Variants in EPHA10 observed in about 807,000 individuals in gnomAD.
EPHA10 encodes EPH receptor A10.
In EPHA10, 120 loss-of-function variants were observed where a neutral mutation model predicts 109.7. The observed-to-expected ratio is 1.09, with a 90% CI of 0.94 to 1.27. The LOEUF (loss-of-function observed/expected upper bound fraction) is 1.27, where lower values mean the gene tolerates loss of function less well. Among genes scored for constraint, EPHA10 ranks in the 50% most tolerant of loss-of-function variants. The pLI is 0.00. For synonymous variants in EPHA10, 640 were observed against 618.9 expected, an observed-to-expected ratio of 1.03 and a Z score of -0.51; for missense variants, 1,396 against 1,411.1, an observed-to-expected ratio of 0.99 and a Z score of 0.17.
chr1:37,749,329 G>GT (rs1173938923), intron 5 of EPHA10, among the ~76,000 whole-genome samples: 1 of 152,110 alleles, frequency 6.6e-6, no homozygotes, highest in East Asian at 1.9e-4. Context: ...AAATAGAAGA[G>GT]TATTTCCTTA....
rs1459459690 is a variant in EPHA10, at chr1:37,720,220, T to C, written c.2412+131A>G. On this transcript the variant is annotated intron_variant, in intron 13 of 16. Transcript: ENST00000373048. ...AGAAAAGCTGACCTCAAGGTGGGGT[T>C]CACTCGCATTTATGCCAAGACCAAC... 3 of 1,389,176 alleles carry C rather than the reference T, an allele frequency of 2.2e-6. No homozygotes were observed. The African/African-American group carries it at 4.3e-5, about 20-fold the overall frequency. 86.1% of individuals were successfully genotyped at this position (1,389,176 alleles called of 1,614,324 possible).
In EPHA10 at chr1:37,764,918, T is replaced by G; in HGVS notation, c.106+43A>C. ...AACCCCCATCGCCAGCCCCCTATCT[T>G]TTGGTATGCCACGCTCCGAGCAGAG... On this transcript the variant is annotated intron_variant, in intron 1 of 16. Transcript: ENST00000373048. This position sits in a 1 kb window ranked among gnomAD's most constrained non-coding sequence, Gnocchi z 5.8. 6.5e-6 allele frequency: 10 copies of G among 1,534,566 alleles called. No individual in the cohort carries two copies. Among genetic ancestry groups the G allele is most frequent in the Non-Finnish European group, 8.9e-6 (10 of 1,129,322 alleles).
At chr1:37,730,527 A>G (rs1369899658) in intron 7 of EPHA10, among the ~76,000 whole-genome samples, 1 of 152,186 alleles carries the variant, frequency 6.6e-6, no homozygotes, top group African/African-American at 2.4e-5. Context: ...GAGAAGAGGA[A>G]CCAGGGGAGG....
chr1:37,716,031 T>C lies in EPHA10; in HGVS notation c.*2341A>G. The C allele has an allele frequency of 1.7e-6, 1 of 574,244 alleles. No individual in the cohort carries two copies. The highest frequency in any genetic ancestry group is 3.5e-5 in the East Asian group (1 of 28,888). 35.6% of individuals were successfully genotyped at this position (574,244 alleles called of 1,614,324 possible). On this transcript the variant is annotated 3_prime_UTR_variant, in exon 17 of 17. Transcript: ENST00000373048. ...AGAACCCAAGAAATATAAAAACATC[T>C]CCAGAAGGAACCCCCTCCGACTGGC...
In EPHA10 at chr1:37,720,781, A is replaced by T. The variant is rs763639357; in HGVS notation, c.2208+2T>A. 3 of 1,613,750 alleles carry T rather than the reference A, an allele frequency of 1.9e-6. No homozygotes were observed. The highest frequency in any genetic ancestry group is 2.5e-6 in the Non-Finnish European group (3 of 1,179,874). Reference sequence around the variant, plus strand: ...GTCATTGGCAGCCCCAGGGCCACTCACCCTGAGGAAGCCGTCCAGGGCCCC... The same window carrying T: ...GTCATTGGCAGCCCCAGGGCCACTCTCCCTGAGGAAGCCGTCCAGGGCCCC... On this transcript the variant is annotated splice_donor_variant, in intron 12 of 16. Transcript: ENST00000373048. LOFTEE classifies it high-confidence loss of function.
chr1:37,745,376 C>T (rs944297706), intron 5 of EPHA10, among the ~76,000 whole-genome samples: 5 of 152,140 alleles, frequency 3.3e-5, no homozygotes, highest in Non-Finnish European at 5.9e-5. Flanking sequence ...AAAAGACAAA[C>T]AATAACAAGT....
In EPHA10 at chr1:37,721,777, G is replaced by A. The variant is rs1403434891; in HGVS notation, c.2029C>T (p.His677Tyr). Reference protein sequence around the residue: ...PGRQELLVAVHMLRDSASDSQ... With the variant: ...PGRQELLVAVYMLRDSASDSQ... Reference sequence around the variant, plus strand: ...TCGGAGGCGCTGTCCCTCAGCATATGCACGGCTACGAGCAGCTCCTGGCGA... The same window carrying A: ...TCGGAGGCGCTGTCCCTCAGCATATACACGGCTACGAGCAGCTCCTGGCGA... The change falls in exon 11 of 17, where the codon CAT becomes TAT. Residue 677 changes from histidine (H) to tyrosine (Y), a missense_variant. By Grantham distance (83) the His-to-Tyr change is moderately conservative. Transcript: ENST00000373048. The A allele has an allele frequency of 1.2e-6, 2 of 1,612,040 alleles. No homozygotes were observed. Among genetic ancestry groups the A allele is most frequent in the Non-Finnish European group, 1.7e-6 (2 of 1,179,534 alleles).
chr1:37,731,186 C>T (rs1029860712), intron 7 of EPHA10, among the ~76,000 whole-genome samples: 3 of 152,148 alleles, frequency 2.0e-5, no homozygotes, highest in South Asian at 2.1e-4. Context: ...CCTGTGAGCT[C>T]CTCCAGGACA....
rs754308771 is a variant in EPHA10, at chr1:37,727,181, C to T, written c.1693G>A (p.Ala565Thr). 7.4e-6 allele frequency: 12 copies of T among 1,611,088 alleles called. No individual in the cohort carries two copies. Among genetic ancestry groups the T allele is most frequent in the Middle Eastern group, 1.6e-4 (1 of 6,074 alleles). The change falls in exon 8 of 17, where the codon GCC becomes ACC. Residue 565 changes from alanine (A) to threonine (T), a missense_variant. By Grantham distance (58) the Ala-to-Thr change is moderately conservative (BLOSUM62 0). Transcript: ENST00000373048. ...AASGSRDQSP[A>T]IVVTVVTISA... ...ATGGTCACTACGGTGACGACAATGG[C>T]GGGGCTCTGGTCCCTGGACCCTGAG...
chr1:37,731,385 C>T (rs201928738), intron 7 of EPHA10, 26 bp downstream of exon 7: 88 of 1,562,986 alleles, frequency 5.6e-5, no homozygotes, highest in Admixed American at 3.7e-4. Context: ...TGTCTAGGTC[C>T]CTGTCCACTC....
intron 7 of EPHA10, among the ~76,000 whole-genome samples, chr1:37,729,815 G>A (rs60321787): frequency 2.6e-5 from 4 of 151,944 alleles, no homozygotes; most frequent in Admixed American, 2.6e-4. Flanking sequence ...TGAGGCTGCA[G>A]GGAGCTGTGA....
chr1:37,747,151 T>C (rs1275892068), intron 5 of EPHA10, among the ~76,000 whole-genome samples: 1 of 152,212 alleles, frequency 6.6e-6, no homozygotes, highest in Non-Finnish European at 1.5e-5. Flanking sequence ...AATGTGATAA[T>C]ATCATGTATC....
downstream of EPHA10, chr1:37,715,918 A>C (rs756434554): frequency 1.8e-6 from 1 of 569,160 alleles, no homozygotes; most frequent in Non-Finnish European, 3.4e-6. Flanking sequence ...AGGGGGCAGA[A>C]GCCCTTCCAC....
intron 5 of EPHA10, among the ~76,000 whole-genome samples, chr1:37,743,669 T>C (rs1646188245): frequency 1.8e-5 from 1 of 54,668 alleles, no homozygotes; most frequent in Non-Finnish European, 4.4e-5. Flanking sequence ...TTCAATAAAT[T>C]ACATGATACT....
intron 15 of EPHA10, 45 bp from the exon 16 acceptor site, chr1:37,718,861 G>A (rs1201576464): frequency 1.3e-6 from 2 of 1,561,842 alleles, no homozygotes; most frequent in South Asian, 2.4e-5. Flanking sequence ...TGGGATCTGG[G>A]CCCACACCTG....
intron 5 of EPHA10, among the ~76,000 whole-genome samples, chr1:37,742,920 A>G (rs1189390877): frequency 2.6e-5 from 4 of 152,126 alleles, no homozygotes; most frequent in African/African-American, 9.7e-5. Context: ...ACCTGACCCC[A>G]GGAATTTGAG....
At position 37,754,193 on chromosome 1, in the gene EPHA10, G is replaced by A. The variant is rs780649987; in HGVS notation, c.1006+22C>T. Reference sequence around the variant, plus strand: ...ACTCCCACCCCCCACCCTCCGCAGTGCAGCCTGGAGGGGGGACTCACGGGT... The same window carrying A: ...ACTCCCACCCCCCACCCTCCGCAGTACAGCCTGGAGGGGGGACTCACGGGT... On this transcript the variant is annotated intron_variant, in intron 4 of 16. Coordinates refer to ENST00000373048, the MANE Select transcript of EPHA10 (RefSeq NM_001099439.2). The surrounding 1 kb of genome is among the most constrained non-coding windows in gnomAD (Gnocchi z 4.5). 4 of 1,278,392 alleles carry A rather than the reference G, an allele frequency of 3.1e-6. No homozygotes were observed. Among genetic ancestry groups the A allele is most frequent in the Non-Finnish European group, 4.0e-6 (4 of 1,005,272 alleles). The allele number at this position is 1,278,392 out of a possible 1,614,324, so 79.2% of individuals were successfully genotyped here.
chr1:37,745,525 T>TA (rs1174538945), intron 5 of EPHA10, among the ~76,000 whole-genome samples: 1 of 152,118 alleles, frequency 6.6e-6, no homozygotes, highest in Non-Finnish European at 1.5e-5. Flanking sequence ...CAGGTTACCA[T>TA]AAAAAGAAAC....
intron 5 of EPHA10, among the ~76,000 whole-genome samples, chr1:37,740,447 A>T (rs936182373): frequency 6.6e-6 from 1 of 152,102 alleles, no homozygotes; most frequent in African/African-American, 2.4e-5. Flanking sequence ...CTGGGACTAC[A>T]GGTGCCCGCC....
Sources: allele counts gnomAD v4.1 joint callset (sites outside exome capture counted in the v4.1 genomes callset), GRCh38; gene constraint gnomAD v4.1.1; non-coding constraint Gnocchi (gnomAD v3.1); transcripts MANE v1.5; gene names NCBI Gene and HGNC (gene_info 2026-07-23, HGNC 2026-07-21).